WDPCP: variants seen among roughly 807,000 people sequenced by gnomAD.
WDPCP encodes the protein WD repeat containing planar cell polarity effector.
A neutral mutation model predicts 93.1 loss-of-function variants in WDPCP; 71 were observed. The ratio of observed to expected loss-of-function variants is 0.76; its 90% CI spans 0.63 to 0.93. The LOEUF (loss-of-function observed/expected upper bound fraction) is 0.93. WDPCP is among the 40% of genes least tolerant of loss of function. WDPCP has a pLI of 0.00. For synonymous variants in WDPCP, 315 were observed against 315.0 expected (o/e 1.00, Z 0.00); for missense variants, 844 against 887.4 (o/e 0.95, Z 0.62).
At chr2:63,579,905 T>G (rs540562642) in intron 1 of WDPCP, among the ~76,000 whole-genome samples, 3 of 152,322 alleles carry the variant, frequency 2.0e-5, no homozygotes, top group Admixed American at 1.3e-4. Context: ...ATGAGGGTTC[T>G]GTCCTCATAA....
intron 2 of WDPCP, among the ~76,000 whole-genome samples, chr2:63,799,656 G>T (rs769346233): frequency 1.7e-4 from 26 of 152,148 alleles, no homozygotes; most frequent in African/African-American, 2.4e-4. Flanking sequence ...AAAAGTCTTT[G>T]TCTCATATTC....
At chr2:63,816,455 TAA>T (rs1333383544) in intron 1 of WDPCP, among the ~76,000 whole-genome samples, 2 of 152,006 alleles carry the variant, frequency 1.3e-5, no homozygotes, top group Non-Finnish European at 2.9e-5. Context: ...ACTGTCCATA[TAA>T]GAGACAGAAG....
At chr2:63,418,914 A>G (rs1695629116) in intron 9 of WDPCP, among the ~76,000 whole-genome samples, 1 of 152,188 alleles carries the variant, frequency 6.6e-6, no homozygotes, top group African/African-American at 2.4e-5. Context: ...AAAAATGGCC[A>G]GGGAGGGAAG....
chr2:63,255,874 AC>A (rs1553577642), intron 14 of WDPCP, among the ~76,000 whole-genome samples: 1 of 77,614 alleles, frequency 1.3e-5, no homozygotes, highest in Non-Finnish European at 4.2e-5. Flanking sequence ...AATATATACA[AC>A]AGTCAATTGT....
At chr2:63,382,168 T>A in intron 10 of WDPCP, 74 bp from the exon 11 acceptor site, 2 of 1,475,672 alleles carry the variant, frequency 1.4e-6, no homozygotes, top group Non-Finnish European at 1.8e-6. Flanking sequence ...AATTTTTCCA[T>A]AAAGAAAAAA....
intron 17 of WDPCP, among the ~76,000 whole-genome samples, chr2:63,127,321 C>A (rs1375994438): frequency 6.6e-6 from 1 of 151,746 alleles, no homozygotes; most frequent in East Asian, 1.9e-4. Context: ...GACGGGGTTT[C>A]ACCATGTTGG....
chr2:63,185,398 C>T (rs565022155), intron 14 of WDPCP, among the ~76,000 whole-genome samples: 81 of 151,992 alleles, frequency 5.3e-4, no homozygotes, highest in Non-Finnish European at 8.7e-4. Context: ...ACTTCCCCCC[C>T]TCTCCCCCAC....
intron 1 of WDPCP, among the ~76,000 whole-genome samples, chr2:63,541,953 A>G (rs1270064980): frequency 1.3e-5 from 2 of 152,212 alleles, no homozygotes; most frequent in Non-Finnish European, 2.9e-5. Flanking sequence ...AAGCCTAAAC[A>G]TATTTACATA....
At chr2:63,484,481 T>C in intron 6 of WDPCP, 123 bp downstream of exon 6, 1 of 1,054,048 alleles carries the variant, frequency 9.5e-7, no homozygotes. Context: ...GAATTCAAAC[T>C]ATGAAATAAC....
intron 3 of WDPCP, among the ~76,000 whole-genome samples, chr2:63,629,122 G>A (rs1278231407): frequency 6.6e-6 from 1 of 152,148 alleles, no homozygotes; most frequent in Non-Finnish European, 1.5e-5. Flanking sequence ...AGCCAGCAAA[G>A]TGGAAACACC....
In WDPCP at chr2:63,174,747, A is replaced by C. The variant is rs781418589; in HGVS notation, c.2001T>G (p.Phe667Leu). 9 of 1,613,902 alleles carry C rather than the reference A, an allele frequency of 5.6e-6. No individual in the cohort carries two copies. The highest frequency in any genetic ancestry group is 6.8e-6 in the Non-Finnish European group (8 of 1,179,974). Reference sequence around the variant, plus strand: ...GGCAAGAGGGAGGGAGGTTATCTGGAAATGAGTCTTCTCCTTGAGGTGCTA... The same window carrying C: ...GGCAAGAGGGAGGGAGGTTATCTGGCAATGAGTCTTCTCCTTGAGGTGCTA... ...LSLAPQGEDS[F>L]PDNLPPSCPT... is the part of the protein sequence containing the mutation. Residue 667 changes from phenylalanine to leucine, a missense_variant, in exon 15 of 18, where the codon TTT becomes TTG. Phe to Leu is a conservative substitution (Grantham distance 22). Coordinates refer to ENST00000272321, the MANE Select transcript of WDPCP (RefSeq NM_015910.7).
At chr2:63,298,054 AC>A (rs1421029273) in intron 13 of WDPCP, among the ~76,000 whole-genome samples, 8 of 152,168 alleles carry the variant, frequency 5.3e-5, no homozygotes, top group African/African-American at 1.9e-4. Context: ...GCAGTACCTG[AC>A]TTTTACACTC....
At chr2:63,327,049 A>T (rs1198180337) in intron 12 of WDPCP, among the ~76,000 whole-genome samples, 4 of 152,134 alleles carry the variant, frequency 2.6e-5, no homozygotes, top group Non-Finnish European at 5.9e-5. Context: ...AGGGGATCTA[A>T]ATCTTAATTA....
intron 14 of WDPCP, among the ~76,000 whole-genome samples, chr2:63,254,018 A>G (rs1680941732): frequency 6.6e-6 from 1 of 152,170 alleles, no homozygotes; most frequent in Non-Finnish European, 1.5e-5. Context: ...AAGAAAATGT[A>G]GTATATATAC....
At chr2:63,335,833 A>G (rs1688319411) in intron 12 of WDPCP, among the ~76,000 whole-genome samples, 1 of 152,212 alleles carries the variant, frequency 6.6e-6, no homozygotes, top group Non-Finnish European at 1.5e-5. Context: ...AGATTAGCAC[A>G]AAATACAGGT....
chr2:63,479,808 C>A (rs1700166545), intron 6 of WDPCP, among the ~76,000 whole-genome samples: 1 of 151,900 alleles, frequency 6.6e-6, no homozygotes, highest in Admixed American at 6.6e-5. Context: ...GAAGTCCCAG[C>A]CAGAGCTGGA....
intron 14 of WDPCP, among the ~76,000 whole-genome samples, chr2:63,203,273 G>T (rs143343052): frequency 1.3e-5 from 2 of 152,010 alleles, no homozygotes; most frequent in African/African-American, 4.8e-5. Context: ...TGGAAATGGG[G>T]TATCCATCAC....
At chr2:63,740,449 T>C (rs1338350938) in intron 2 of WDPCP, among the ~76,000 whole-genome samples, 2 of 152,144 alleles carry the variant, frequency 1.3e-5, no homozygotes, top group Non-Finnish European at 2.9e-5. Context: ...ACACCTTCTA[T>C]CACTTTCAAG....
intron 14 of WDPCP, among the ~76,000 whole-genome samples, chr2:63,184,746 T>C (rs571064437): frequency 1.3e-5 from 2 of 152,310 alleles, no homozygotes; most frequent in South Asian, 4.1e-4. Flanking sequence ...CCTCTTGTAT[T>C]TGCATGTCTA....
Sources: gnomAD v4.1 joint callset for allele counts (sites outside exome capture counted in the v4.1 genomes callset) on GRCh38, gnomAD v4.1.1 for gene constraint, MANE v1.5 for transcripts, NCBI Gene and HGNC (gene_info 2026-07-23, HGNC 2026-07-21) for gene names.